NEIL2: variants seen among roughly 807,000 people sequenced by gnomAD.
NEIL2 encodes the protein endonuclease 8-like 2.
A neutral mutation model predicts 22.2 loss-of-function variants in NEIL2; 23 were observed. The ratio of observed to expected loss-of-function variants is 1.04; its 90% CI spans 0.75 to 1.47. The LOEUF is 1.47. NEIL2 is among the 40% of genes most tolerant of loss of function. NEIL2 has a pLI of 0.00. For missense variants in NEIL2, 583 were observed against 404.7 expected, an observed-to-expected ratio of 1.44 and a Z score of -3.78; for synonymous variants, 229 against 164.8, an observed-to-expected ratio of 1.39 and a Z score of -2.99.
chr8:11,773,666 G>T (rs771614620), intron 2 of NEIL2, among the ~76,000 whole-genome samples: 2 of 152,186 alleles, frequency 1.3e-5, no homozygotes, highest in Non-Finnish European at 2.9e-5. Context: ...GCAGTTACAG[G>T]CGGGCCGATG....
At chr8:11,774,911 A>C (rs1362854753) in intron 2 of NEIL2, among the ~76,000 whole-genome samples, 1 of 152,258 alleles carries the variant, frequency 6.6e-6, no homozygotes, top group Non-Finnish European at 1.5e-5. Flanking sequence ...GGCCTTGGGC[A>C]GCTCTGCCTC....
intron 2 of NEIL2, among the ~76,000 whole-genome samples, 182 bp downstream of exon 2, chr8:11,771,767 T>C (rs1290527604): frequency 6.6e-6 from 1 of 152,116 alleles, no homozygotes; most frequent in Non-Finnish European, 1.5e-5. Flanking sequence ...CTGTGGACTG[T>C]AGAACTGTAA....
rs953854805 is a variant in NEIL2, at chr8:11,782,994, G to A, written c.492-209G>A. The A allele has an allele frequency of 4.7e-6, 3 of 639,934 alleles. No individual in the cohort carries two copies. In the East Asian group the frequency reaches 8.5e-5, roughly 18 times the overall value. 39.6% of individuals were successfully genotyped at this position (639,934 alleles called of 1,614,324 possible). ...TAATGATGTGGGGATGTGTGTATGT[G>A]TGCATGATCCAGCCACAGAGTGTGC... On this transcript the variant is annotated intron_variant, in intron 3 of 4. Coordinates refer to ENST00000284503, the MANE Select transcript of NEIL2 (RefSeq NM_145043.4).
At chr8:11,773,267 C>T (rs190467686) in intron 2 of NEIL2, among the ~76,000 whole-genome samples, 45 of 152,272 alleles carry the variant, frequency 3.0e-4, no homozygotes, top group African/African-American at 1.1e-3. Flanking sequence ...GTGAAGGAAC[C>T]CGTAGACGGG....
At chr8:11,783,120 A>ATG (rs1804583529) in intron 3 of NEIL2, 83 bp from the exon 4 acceptor site, 2 of 1,117,506 alleles carry the variant, frequency 1.8e-6, no homozygotes, top group African/African-American at 3.1e-5. Context: ...GGATGTGTGT[A>ATG]TGTGTGTATG....
At chr8:11,782,642 G>A (rs543624310) in intron 3 of NEIL2, 1 of 185,370 alleles carries the variant, frequency 5.4e-6, no homozygotes, top group Admixed American at 5.3e-5. Flanking sequence ...GGTACTCAAA[G>A]TATGGCTTTT....
In NEIL2 at chr8:11,769,777, A is replaced by C. The variant is rs964876986; in HGVS notation, c.-561A>C. Reference sequence around the variant, plus strand: ...CGGTGCTGGGTCGGGCCGACGTGCCACCCACCCGGAGCCGGTGAGTGCAGC... The same window carrying C: ...CGGTGCTGGGTCGGGCCGACGTGCCCCCCACCCGGAGCCGGTGAGTGCAGC... On this transcript the variant is annotated 5_prime_UTR_variant, in exon 1 of 5. Transcript: ENST00000284503. 6.6e-6 allele frequency: 1 copy of C among 152,230 alleles called. No individual in the cohort carries two copies. Among genetic ancestry groups the C allele is most frequent in the African/African-American group, 2.4e-5 (1 of 41,430 alleles). 9.4% of individuals were successfully genotyped at this position (152,230 alleles called of 1,614,324 possible).
chr8:11,775,187 G>C (rs1383603384), intron 2 of NEIL2, among the ~76,000 whole-genome samples: 1 of 152,244 alleles, frequency 6.6e-6, no homozygotes, highest in Non-Finnish European at 1.5e-5. Flanking sequence ...ACCTCTGCCT[G>C]GACATCCCGT....
intron 2 of NEIL2, among the ~76,000 whole-genome samples, chr8:11,776,674 T>C (rs1803928967): frequency 6.6e-6 from 1 of 152,162 alleles, no homozygotes; most frequent in African/African-American, 2.4e-5. Flanking sequence ...TGAGGACCAA[T>C]CCTTCCATTT....
chr8:11,777,528 C>G (rs918276343), intron 2 of NEIL2, among the ~76,000 whole-genome samples: 2 of 152,160 alleles, frequency 1.3e-5, no homozygotes, highest in African/African-American at 2.4e-5. Flanking sequence ...TGAACGCTAA[C>G]TCCCCCTTTC....
chr8:11,772,335 G>T (rs1355528314), intron 2 of NEIL2, among the ~76,000 whole-genome samples: 1 of 152,162 alleles, frequency 6.6e-6, no homozygotes, highest in Non-Finnish European at 1.5e-5. Context: ...CCCCAAACCT[G>T]TCTTCTGATC....
chr8:11,771,018 C>T (rs1005554819), intron 1 of NEIL2, among the ~76,000 whole-genome samples: 2 of 152,104 alleles, frequency 1.3e-5, no homozygotes, highest in Non-Finnish European at 2.9e-5. Flanking sequence ...AAGTCGGCAG[C>T]AGTGGGTCAG....
At chr8:11,784,899 C>T (rs1041143286) in intron 4 of NEIL2, among the ~76,000 whole-genome samples, 11 of 152,192 alleles carry the variant, frequency 7.2e-5, no homozygotes, top group African/African-American at 2.7e-4. Flanking sequence ...CACAGGGTCT[C>T]TCTCTGTCAC....
intron 4 of NEIL2, among the ~76,000 whole-genome samples, chr8:11,785,536 A>G (rs910270369): frequency 9.2e-5 from 14 of 152,346 alleles, no homozygotes; most frequent in Admixed American, 7.8e-4. Context: ...TACTCTACAT[A>G]CCAGCCACTG....
chr8:11,785,972 T>A lies in NEIL2; in HGVS notation c.698T>A (p.Ile233Asn). The part of the protein sequence containing the change: ...QRYFSGLGNI[I>N]KNEALYRAGI... ...CCCCGCTTTATTTCAGGGAACATCA[T>A]TAAGAATGAAGCCTTGTACAGAGCT... is the stretch of plus-strand genomic sequence containing the variant. The change falls in exon 5 of 5, where the codon ATT (isoleucine) becomes AAT (asparagine). Residue 233 changes from isoleucine to asparagine, a missense_variant. Physicochemically the swap from Ile to Asn is moderately radical, Grantham distance 149. Transcript: ENST00000284503. 2 of 1,614,058 alleles carry A rather than the reference T, an allele frequency of 1.2e-6. No individual in the cohort carries two copies. Among genetic ancestry groups the A allele is most frequent in the South Asian group, 2.2e-5 (2 of 91,064 alleles).
chr8:11,770,815 G>C (rs1012464379), intron 1 of NEIL2, among the ~76,000 whole-genome samples: 1 of 152,038 alleles, frequency 6.6e-6, no homozygotes, highest in Non-Finnish European at 1.5e-5. Flanking sequence ...GTGGTGATTA[G>C]AACAGAACCA....
intron 3 of NEIL2, among the ~76,000 whole-genome samples, chr8:11,780,780 A>G (rs993054092): frequency 6.6e-6 from 1 of 152,278 alleles, no homozygotes; most frequent in Admixed American, 6.5e-5. Flanking sequence ...CAGAGGAGTA[A>G]TTGCTGGTCA....
In NEIL2 at chr8:11,771,529, A is replaced by G. The variant is rs1803437467; in HGVS notation, c.82A>G (p.Ser28Gly). The change falls in exon 2 of 5, where the codon AGC becomes GGC. Residue 28 changes from serine (S) to glycine (G), a missense_variant. Transcript: ENST00000284503. ...TCAGCAGGTGGTCAAGACAGGGGGC[A>G]GCAGTAAGAAGCTACAGCCCGCCAG... ...VGQQVVKTGG[S>G]SKKLQPASLQ... 1 of 1,614,058 alleles carries G rather than the reference A, an allele frequency of 6.2e-7. No homozygotes were observed. Among genetic ancestry groups the G allele is most frequent in the East Asian group, 2.2e-5 (1 of 44,874 alleles).
intron 2 of NEIL2, among the ~76,000 whole-genome samples, chr8:11,773,085 GGGGTCCCATGGCCTCCA>G (rs1255149661): frequency 1.3e-5 from 2 of 152,180 alleles, no homozygotes; most frequent in African/African-American, 4.8e-5. Context: ...GTGAGAGCAC[GGGGTCCCATGGCCTCCA>G]GGACTGTGGC....
Sources: allele counts gnomAD v4.1 joint callset (sites outside exome capture counted in the v4.1 genomes callset), GRCh38; gene constraint gnomAD v4.1.1; transcripts MANE v1.5; gene names NCBI Gene and HGNC (gene_info 2026-07-23, HGNC 2026-07-21).